Variants in YES1 observed in about 807,000 individuals in gnomAD.
YES1 encodes the protein YES proto-oncogene 1, Src family tyrosine kinase.
A neutral mutation model predicts 70.4 loss-of-function variants in YES1; 39 were observed. The ratio of observed to expected loss-of-function variants is 0.55; its 90% CI spans 0.43 to 0.72. The LOEUF (loss-of-function observed/expected upper bound fraction) is 0.72, where lower values mean the gene tolerates loss of function less well. Among genes scored for constraint, YES1 ranks in the 30% least tolerant of loss-of-function variants. The pLI is 0.00. For synonymous variants in YES1, 198 were observed against 218.6 expected, an observed-to-expected ratio of 0.91 and a Z score of 0.83; for missense variants, 495 against 644.8, an observed-to-expected ratio of 0.77 and a Z score of 2.52.
intron 1 of YES1, among the ~76,000 whole-genome samples, chr18:799,207 C>T (rs1448480590): frequency 6.6e-6 from 1 of 152,154 alleles, no homozygotes; most frequent in Non-Finnish European, 1.5e-5. Flanking sequence ...GTGTAACTAC[C>T]ATACTTTTCA....
chr18:765,288 A>ATATC (rs1904843020), intron 1 of YES1, among the ~76,000 whole-genome samples: 1 of 120,684 alleles, frequency 8.3e-6, no homozygotes, highest in Non-Finnish European at 1.7e-5. Flanking sequence ...ATATATATAT[A>ATATC]TATATCTGTA....
intron 1 of YES1, among the ~76,000 whole-genome samples, chr18:801,425 T>C (rs929098412): frequency 2.6e-5 from 4 of 152,328 alleles, no homozygotes; most frequent in African/African-American, 9.6e-5. Context: ...TCTAGAAGTA[T>C]AGCCTTGAAT....
At chr18:795,054 C>T (rs1906469132) in intron 1 of YES1, among the ~76,000 whole-genome samples, 1 of 152,176 alleles carries the variant, frequency 6.6e-6, no homozygotes, top group African/African-American at 2.4e-5. Flanking sequence ...ATCTCGTGAT[C>T]CGCCTGCCTT....
chr18:756,523 A>T (rs2080408018), intron 2 of YES1, 34 bp downstream of exon 2: 1 of 1,611,022 alleles, frequency 6.2e-7, no homozygotes, highest in Non-Finnish European at 8.5e-7. Flanking sequence ...TGATGTTCTC[A>T]AACAGACAAC....
chr18:761,267 T>C (rs977674803), intron 1 of YES1, among the ~76,000 whole-genome samples: 4 of 150,794 alleles, frequency 2.7e-5, no homozygotes, highest in Admixed American at 6.6e-5. Context: ...AAAGTTTAAC[T>C]GTAAAAATCT....
intron 1 of YES1, among the ~76,000 whole-genome samples, chr18:766,393 T>G (rs1281859981): frequency 1.3e-5 from 2 of 152,094 alleles, no homozygotes; most frequent in East Asian, 1.9e-4. Flanking sequence ...TTATTAACAC[T>G]TTTAAAAACT....
intron 1 of YES1, among the ~76,000 whole-genome samples, chr18:764,869 A>C (rs1904797597): frequency 6.6e-6 from 1 of 151,652 alleles, no homozygotes. Context: ...AGTAGCTGGG[A>C]TTACAGGTGC....
chr18:802,894 C>A (rs1360803384), intron 1 of YES1, among the ~76,000 whole-genome samples: 1 of 151,784 alleles, frequency 6.6e-6, no homozygotes, highest in Non-Finnish European at 1.5e-5. Context: ...ACAGCCTGGG[C>A]AACAAGGTGA....
In YES1 at chr18:790,436, T is replaced by C. The variant is rs569587877; in HGVS notation, c.-9+21678A>G. 3.6e-3 allele frequency among the ~76,000 whole-genome samples: 543 copies of C among 152,358 alleles called. 4 individuals carry two copies. Among genetic ancestry groups the C allele is most frequent in the African/African-American group, 0.012 (513 of 41,586 alleles). On this transcript the variant is annotated intron_variant, in intron 1 of 11. Transcript: ENST00000314574. Reference sequence around the variant, plus strand: ...TATTTGTAAATCATACTGAGATTTCTGTTTCTCGTTTCTAATTCATTACCT... The same window carrying C: ...TATTTGTAAATCATACTGAGATTTCCGTTTCTCGTTTCTAATTCATTACCT...
At chr18:733,319 T>C (rs1365743088) in intron 10 of YES1, among the ~76,000 whole-genome samples, 1 of 152,222 alleles carries the variant, frequency 6.6e-6, no homozygotes, top group Non-Finnish European at 1.5e-5. Context: ...AACTATTGGT[T>C]GATGAGTGAA....
intron 1 of YES1, among the ~76,000 whole-genome samples, chr18:803,938 TTA>T (rs2145838640): frequency 6.6e-6 from 1 of 152,338 alleles, no homozygotes; most frequent in South Asian, 2.1e-4. Context: ...GCCAAAAGGC[TTA>T]TGTTACAGAA....
At chr18:802,115 G>A (rs1906854712) in intron 1 of YES1, among the ~76,000 whole-genome samples, 1 of 152,170 alleles carries the variant, frequency 6.6e-6, no homozygotes, top group African/African-American at 2.4e-5. Context: ...GAAAAGTCTA[G>A]GGTGGGTGTA....
chr18:764,141 G>A (rs953657697), intron 1 of YES1, among the ~76,000 whole-genome samples: 1 of 151,382 alleles, frequency 6.6e-6, no homozygotes, highest in Non-Finnish European at 1.5e-5. Flanking sequence ...AAAAGAAAAA[G>A]TCATTCATTC....
At chr18:732,685 C>A (rs767546809) in intron 11 of YES1, 149 bp downstream of exon 11, 6 of 1,062,426 alleles carry the variant, frequency 5.6e-6, no homozygotes, top group South Asian at 3.0e-5. Context: ...CCATCCAATG[C>A]CACAGTAAAG....
At chr18:793,402 T>C (rs959485241) in intron 1 of YES1, among the ~76,000 whole-genome samples, 3 of 152,160 alleles carry the variant, frequency 2.0e-5, no homozygotes, top group Non-Finnish European at 4.4e-5. Flanking sequence ...AGTGGCATGA[T>C]CATCGCTCAC....
intron 1 of YES1, among the ~76,000 whole-genome samples, chr18:770,794 G>A (rs1458360406): frequency 2.0e-5 from 3 of 152,110 alleles, no homozygotes; most frequent in African/African-American, 7.2e-5. Context: ...CAAGGTTTTT[G>A]TGTGTTTGTG....
chr18:789,182 G>A (rs1906114651), intron 1 of YES1, among the ~76,000 whole-genome samples: 1 of 152,072 alleles, frequency 6.6e-6, no homozygotes, highest in East Asian at 1.9e-4. Context: ...CTAAGGAAAT[G>A]GTACACAAGG....
At chr18:757,890 G>C (rs2145744574) in intron 1 of YES1, among the ~76,000 whole-genome samples, 1 of 150,966 alleles carries the variant, frequency 6.6e-6, no homozygotes, top group South Asian at 2.1e-4. Flanking sequence ...GAAAAAGAAA[G>C]AAAACAAAAT....
chr18:780,723 C>T (rs956323292), intron 1 of YES1, among the ~76,000 whole-genome samples: 2 of 152,202 alleles, frequency 1.3e-5, no homozygotes, highest in Admixed American at 1.3e-4. Flanking sequence ...TCTCCCCCAA[C>T]TACTTACTTG....
Sources: allele counts gnomAD v4.1 joint callset (sites outside exome capture counted in the v4.1 genomes callset), GRCh38; gene constraint gnomAD v4.1.1; transcripts MANE v1.5; gene names NCBI Gene and HGNC (gene_info 2026-07-23, HGNC 2026-07-21).